TMEM131: variants seen among roughly 807,000 people sequenced by gnomAD.
TMEM131 encodes the protein 2610524E03Rik.
A neutral mutation model predicts 211.6 loss-of-function variants in TMEM131; 66 were observed. The observed-to-expected ratio is 0.31, with a 90% CI of 0.26 to 0.38. The LOEUF is 0.38. TMEM131 is among the 10% of genes least tolerant of loss of function. The pLI is 1.00. For missense variants in TMEM131, 2,036 were observed against 2,299.3 expected, an observed-to-expected ratio of 0.89 and a Z score of 2.34; for synonymous variants, 844 against 841.3, an observed-to-expected ratio of 1.00 and a Z score of -0.06.
At chr2:97,985,033 T>C (rs568038182) in intron 1 of TMEM131, among the ~76,000 whole-genome samples, 1 of 152,206 alleles carries the variant, frequency 6.6e-6, no homozygotes, top group Admixed American at 6.5e-5. Flanking sequence ...AATAACTCCA[T>C]GGGATAAAAT....
chr2:97,867,381 A>T (rs943886489), intron 4 of TMEM131, among the ~76,000 whole-genome samples: 26 of 152,250 alleles, frequency 1.7e-4, no homozygotes, highest in Admixed American at 2.0e-4. Flanking sequence ...AGTTATATAT[A>T]TATATGTTTA....
chr2:97,934,993 G>A (rs1170369883), intron 1 of TMEM131, among the ~76,000 whole-genome samples: 3 of 148,914 alleles, frequency 2.0e-5, no homozygotes, highest in Non-Finnish European at 3.0e-5. Flanking sequence ...GCACAATCCA[G>A]AAAAAAAAAA....
chr2:97,864,489 T>A (rs1455265741), intron 4 of TMEM131, among the ~76,000 whole-genome samples: 2 of 152,120 alleles, frequency 1.3e-5, no homozygotes, highest in African/African-American at 4.8e-5. Context: ...TCTTAGGTAA[T>A]CCATAAATAT....
intron 24 of TMEM131, 135 bp from the exon 25 acceptor site, chr2:97,802,096 T>C (rs1681063062): frequency 1.8e-6 from 1 of 555,838 alleles, no homozygotes; most frequent in Non-Finnish European, 3.1e-6. Context: ...ACCAGATTTA[T>C]AGCCTTAAGA....
chr2:97,901,481 A>T (rs577299512), intron 3 of TMEM131, among the ~76,000 whole-genome samples: 1 of 152,316 alleles, frequency 6.6e-6, no homozygotes, highest in South Asian at 2.1e-4. Flanking sequence ...ATACACCTGC[A>T]ACCCCAGGTT....
chr2:97,976,620 T>C (rs1458748908), intron 1 of TMEM131, among the ~76,000 whole-genome samples: 1 of 152,136 alleles, frequency 6.6e-6, no homozygotes, highest in Non-Finnish European at 1.5e-5. Flanking sequence ...TCCCAATCAA[T>C]ACCCAAGAAG....
At chr2:97,980,010 C>T (rs1048012549) in intron 1 of TMEM131, among the ~76,000 whole-genome samples, 1 of 152,078 alleles carries the variant, frequency 6.6e-6, no homozygotes, top group African/African-American at 2.4e-5. Context: ...ATATTGTTGT[C>T]TCAGAGAAAA....
intron 3 of TMEM131, among the ~76,000 whole-genome samples, chr2:97,899,614 T>C (rs1436765803): frequency 6.6e-6 from 1 of 152,086 alleles, no homozygotes. Flanking sequence ...AACAGGCACT[T>C]TTTTTCACCA....
At chr2:97,905,365 T>G (rs1274988834) in intron 3 of TMEM131, among the ~76,000 whole-genome samples, 1 of 152,158 alleles carries the variant, frequency 6.6e-6, no homozygotes, top group African/African-American at 2.4e-5. Flanking sequence ...CCTGGCTGTT[T>G]CTCTATTTAT....
At position 97,995,726 on chromosome 2, in the gene TMEM131, G is replaced by T; in HGVS notation, c.-64C>A. 2 of 1,132,696 alleles carry T rather than the reference G, an allele frequency of 1.8e-6. No individual in the cohort carries two copies. Among genetic ancestry groups the T allele is most frequent in the Non-Finnish European group, 2.2e-6 (2 of 917,410 alleles). The allele number at this position is 1,132,696 out of a possible 1,614,324, so 70.2% of individuals were successfully genotyped here. On this transcript the variant is annotated 5_prime_UTR_variant, in exon 1 of 41. Coordinates refer to ENST00000186436, the MANE Select transcript of TMEM131 (RefSeq NM_015348.2). ...CGGCCCTTCTCGGCGAGGCGGCGGC[G>T]GCGCGGAAGCCGTGGTCCGGGCTCT...
intron 15 of TMEM131, 85 bp downstream of exon 15, chr2:97,813,886 G>T: frequency 1.8e-6 from 2 of 1,094,704 alleles, no homozygotes; most frequent in South Asian, 1.8e-5. Flanking sequence ...ATGGCAAACC[G>T]TATGTAACAC....
At chr2:97,775,665 T>G (rs1287762596) in intron 32 of TMEM131, among the ~76,000 whole-genome samples, 178 bp downstream of exon 32, 1 of 152,190 alleles carries the variant, frequency 6.6e-6, no homozygotes, top group Non-Finnish European at 1.5e-5. Flanking sequence ...GACTGTTGTC[T>G]GCAGGGGAAT....
At position 97,964,416 on chromosome 2, in the gene TMEM131, C is replaced by T. The variant is rs182144297; in HGVS notation, c.187+31060G>A. 5.9e-5 allele frequency among the ~76,000 whole-genome samples: 9 copies of T among 152,320 alleles called. No individual in the cohort carries two copies. In the East Asian group the frequency reaches 1.7e-3, roughly 29 times the overall value. The stretch of plus-strand genomic sequence containing the variant: ...AGAGTAAATTCAGTTCCACTGCAAA[C>T]AAATTGCAGGGAAATACAGTTGGGA... On this transcript the variant is annotated intron_variant, in intron 1 of 40. Transcript: ENST00000186436.
chr2:97,904,010 G>A (rs1446279246), intron 3 of TMEM131, among the ~76,000 whole-genome samples: 2 of 152,106 alleles, frequency 1.3e-5, no homozygotes, highest in Non-Finnish European at 2.9e-5. Flanking sequence ...CTTCAAAAAT[G>A]TCAAAGTTCT....
intron 4 of TMEM131, among the ~76,000 whole-genome samples, chr2:97,879,978 G>C (rs1219667502): frequency 6.6e-6 from 1 of 152,262 alleles, no homozygotes; most frequent in East Asian, 1.9e-4. Flanking sequence ...GGCAGTGTGT[G>C]CTCAAGAATT....
intron 1 of TMEM131, among the ~76,000 whole-genome samples, chr2:97,927,763 T>C (rs1422387791): frequency 1.3e-5 from 2 of 152,146 alleles, no homozygotes; most frequent in African/African-American, 2.4e-5. Context: ...AAGCACAAAA[T>C]AGTCAAATTC....
chr2:97,966,326 T>G (rs1190562092), intron 1 of TMEM131, among the ~76,000 whole-genome samples: 1 of 152,138 alleles, frequency 6.6e-6, no homozygotes. Context: ...AATTTCTCCC[T>G]AAATTACCTA....
chr2:97,939,058 TG>T (rs1677587464), intron 1 of TMEM131, among the ~76,000 whole-genome samples: 2 of 152,114 alleles, frequency 1.3e-5, no homozygotes, highest in Admixed American at 6.5e-5. Flanking sequence ...TACCACCAAA[TG>T]CCCACAAGAG....
At chr2:97,883,204 G>C (rs1183832634) in intron 4 of TMEM131, among the ~76,000 whole-genome samples, 1 of 152,194 alleles carries the variant, frequency 6.6e-6, no homozygotes, top group East Asian at 1.9e-4. Context: ...TCAGAGATTA[G>C]GTTTCAATGT....
Sources: allele counts gnomAD v4.1 joint callset (sites outside exome capture counted in the v4.1 genomes callset), GRCh38; gene constraint gnomAD v4.1.1; transcripts MANE v1.5; gene names NCBI Gene and HGNC (gene_info 2026-07-23, HGNC 2026-07-21).